Variants in SFXN5 observed in about 807,000 individuals in gnomAD.
The protein encoded by SFXN5 is sideroflexin 5.
A neutral mutation model predicts 50.2 loss-of-function variants in SFXN5; 43 were observed. The ratio of observed to expected loss-of-function variants is 0.86; its 90% CI spans 0.67 to 1.11. The LOEUF is 1.11. Ranked by LOEUF, SFXN5 falls within the 50% of genes least tolerant of loss-of-function variation. The probability of loss-of-function intolerance (pLI) is 0.00; values close to 1 mark genes in which losing one functional copy is unlikely to be tolerated. For missense variants in SFXN5, 463 were observed against 454.1 expected (o/e 1.02, Z -0.18); for synonymous variants, 203 against 185.8 (o/e 1.09, Z -0.75).
In SFXN5 at chr2:72,943,062, C is replaced by T. The variant is rs1204740486; in HGVS notation, c.*1960G>A. On this transcript the variant is annotated 3_prime_UTR_variant, in exon 14 of 14. Coordinates refer to ENST00000272433, the MANE Select transcript of SFXN5 (RefSeq NM_144579.3). Reference sequence around the variant, plus strand: ...GTGGGATTGGCTCAAAAAGGCCTGCCCCTCCAACACCATGGCACCCCCACA... The same window carrying T: ...GTGGGATTGGCTCAAAAAGGCCTGCTCCTCCAACACCATGGCACCCCCACA... The T allele has an allele frequency of 6.6e-6, 1 of 152,324 alleles. No homozygotes were observed. The highest frequency in any genetic ancestry group is 1.5e-5 in the Non-Finnish European group (1 of 68,124). The allele number at this position is 152,324 out of a possible 1,614,324, so 9.4% of individuals were successfully genotyped here. A position where few individuals can be genotyped will look rare whatever the true frequency, so the allele number is the denominator to read the frequency against.
At chr2:72,998,865 C>T in intron 9 of SFXN5, 84 bp downstream of exon 9, 4 of 1,475,280 alleles carry the variant, frequency 2.7e-6, no homozygotes, top group Non-Finnish European at 3.7e-6. Context: ...TGGCCTGGCC[C>T]TCAGACAAGC....
chr2:73,003,152 G>C (rs916536945), intron 6 of SFXN5, among the ~76,000 whole-genome samples: 3 of 152,064 alleles, frequency 2.0e-5, no homozygotes, highest in African/African-American at 7.2e-5. Flanking sequence ...GATGGGACAG[G>C]GGGGTGGGTG....
intron 2 of SFXN5, among the ~76,000 whole-genome samples, chr2:73,047,277 C>CACACATATATATATATATATATATATAT (rs1277443036): frequency 8.8e-5 from 5 of 56,788 alleles, no homozygotes; most frequent in Non-Finnish European, 1.6e-4. Context: ...TATATATATA[C>CACACATATATATATATATATATATATAT]ACACATATAT....
chr2:73,025,392 C>G (rs1677436206), intron 3 of SFXN5, among the ~76,000 whole-genome samples: 1 of 152,160 alleles, frequency 6.6e-6, no homozygotes, highest in African/African-American at 2.4e-5. Flanking sequence ...CTAGCACATT[C>G]CATCCCCCCA....
intron 11 of SFXN5, among the ~76,000 whole-genome samples, chr2:72,969,127 C>T (rs1333434546): frequency 6.6e-6 from 1 of 151,960 alleles, no homozygotes; most frequent in Non-Finnish European, 1.5e-5. Flanking sequence ...CTTCTTACCA[C>T]ACACATTTGA....
chr2:73,025,179 G>C lies in SFXN5; in HGVS notation c.250-1965C>G, dbSNP rs1677402108. Among the ~76,000 whole-genome samples, 4 of 151,978 alleles carry C rather than the reference G, an allele frequency of 2.6e-5. No individual in the cohort carries two copies. In the South Asian group the frequency reaches 6.2e-4, roughly 24 times the overall value. ...ACAACAAAAAAAAACATAAAAGGCTGATCGTCCCCTCTTTGCTCAGTAAGC... is the reference window on the plus strand; with the variant it reads ...ACAACAAAAAAAAACATAAAAGGCTCATCGTCCCCTCTTTGCTCAGTAAGC... On this transcript the variant is annotated intron_variant, in intron 3 of 13. Coordinates refer to ENST00000272433, the MANE Select transcript of SFXN5 (RefSeq NM_144579.3).
chr2:73,023,025 G>A (rs1171868279), intron 4 of SFXN5, among the ~76,000 whole-genome samples, 163 bp downstream of exon 4: 2 of 152,168 alleles, frequency 1.3e-5, no homozygotes, highest in African/African-American at 4.8e-5. Flanking sequence ...CAGAGACTCT[G>A]GCCCTTGAGT....
At position 73,052,566 on chromosome 2, in the gene SFXN5, C is replaced by T. The variant is rs140517080; in HGVS notation, c.171+5962G>A. Among the ~76,000 whole-genome samples the T allele has an allele frequency of 4.1e-4, 59 of 143,170 alleles. No individual in the cohort carries two copies. The East Asian group carries it at 0.011, about 27-fold the overall frequency. 93.9% of individuals were successfully genotyped at this position (143,170 alleles called of 152,430 possible). A position where few individuals can be genotyped will look rare whatever the true frequency, so the allele number is the denominator to read the frequency against. ...CCCCAAATAGTTTCAGATTGTGACA[C>T]GAGTTCTAGTATTGAATTGTTATTA... On this transcript the variant is annotated intron_variant, in intron 2 of 13. Transcript: ENST00000272433.
At position 72,946,279 on chromosome 2, in the gene SFXN5, C is replaced by G. The variant is rs1469373339; in HGVS notation, c.946-1180G>C. On this transcript the variant is annotated intron_variant, in intron 13 of 13. Coordinates refer to ENST00000272433, the MANE Select transcript of SFXN5 (RefSeq NM_144579.3). Reference sequence around the variant, plus strand: ...ACCTGGTCTCTCTCCTCCCCAGCAGCCACGTTTCTTTAAAAAACTTGGTCT... The same window carrying G: ...ACCTGGTCTCTCTCCTCCCCAGCAGGCACGTTTCTTTAAAAAACTTGGTCT... 1.3e-5 allele frequency among the ~76,000 whole-genome samples: 2 copies of G among 152,186 alleles called. 1 individual carries two copies.
At chr2:72,949,375 G>A (rs1216415468) in intron 13 of SFXN5, among the ~76,000 whole-genome samples, 2 of 152,212 alleles carry the variant, frequency 1.3e-5, no homozygotes, top group Admixed American at 6.5e-5. Flanking sequence ...CCAGGCTGGA[G>A]TGCAGTAGTG....
At chr2:73,058,254 G>T in intron 2 of SFXN5, 1 of 305,626 alleles carries the variant, frequency 3.3e-6, no homozygotes. Flanking sequence ...AAGTTTTAAA[G>T]AATAACAATA....
intron 9 of SFXN5, chr2:72,998,640 T>C (rs542016139): frequency 1.0e-5 from 4 of 382,674 alleles, no homozygotes; most frequent in African/African-American, 2.0e-5. Flanking sequence ...TTACCGAGCA[T>C]GAGGAGCAGC....
chr2:72,996,515 T>G (rs1375037348), intron 9 of SFXN5: 6 of 152,120 alleles, frequency 3.9e-5, no homozygotes, highest in East Asian at 3.9e-4. Context: ...TTGTTTTTTT[T>G]TTTTTTTTTT....
chr2:73,008,566 G>A (rs1014428336), intron 6 of SFXN5, among the ~76,000 whole-genome samples: 13 of 152,188 alleles, frequency 8.5e-5, no homozygotes, highest in Admixed American at 2.0e-4. Flanking sequence ...GGGCCAAGCC[G>A]GGCCCTGCCT....
chr2:72,964,224 T>A (rs993039752), intron 12 of SFXN5, among the ~76,000 whole-genome samples: 2 of 152,200 alleles, frequency 1.3e-5, no homozygotes, highest in African/African-American at 4.8e-5. Flanking sequence ...TAGTTTGCAC[T>A]CCGTTAATTT....
At chr2:73,047,235 AAAAAAAAAAAATATATAT>A (rs1385107658) in intron 2 of SFXN5, among the ~76,000 whole-genome samples, 107 of 28,168 alleles carry the variant, frequency 3.8e-3, no homozygotes, top group African/African-American at 8.6e-3. Context: ...AAAAAAAAAA[AAAAAAAAAAAATATATAT>A]ATATATATAT....
rs761833802 is a variant in SFXN5, at chr2:73,022,554, T to C, written c.299A>G (p.Asn100Ser). The change falls in exon 5 of 14, where the codon AAT (asparagine) becomes AGT (serine). Residue 100 changes from asparagine to serine, a missense_variant. By Grantham distance (46) the Asn-to-Ser change is conservative. Transcript: ENST00000272433. ...TCTAAATGGCATGAAGATCTTCTCA[T>C]TGGTGTCCGGATGTAGAATAGCCTG... Reference protein sequence around the residue: ...IKQAILHPDTNEKIFMPFRMS... With the variant: ...IKQAILHPDTSEKIFMPFRMS... 2.2e-5 allele frequency: 33 copies of C among 1,480,658 alleles called. No homozygotes were observed. Among genetic ancestry groups the C allele is most frequent in the Admixed American group, 1.8e-4 (10 of 55,104 alleles). 91.7% of individuals were successfully genotyped at this position (1,480,658 alleles called of 1,614,324 possible).
At chr2:73,065,730 T>G (rs1683125356) in intron 1 of SFXN5, among the ~76,000 whole-genome samples, 2 of 151,758 alleles carry the variant, frequency 1.3e-5, no homozygotes, top group African/African-American at 4.8e-5. Context: ...ATTTTTTGTA[T>G]TTTTTAGTAG....
intron 1 of SFXN5, among the ~76,000 whole-genome samples, chr2:73,060,686 A>G (rs983969918): frequency 6.6e-6 from 1 of 150,832 alleles, no homozygotes; most frequent in African/African-American, 2.5e-5. Flanking sequence ...GCGGTTATAT[A>G]AGAGAATGTC....
Sources: allele counts gnomAD v4.1 joint callset (sites outside exome capture counted in the v4.1 genomes callset), GRCh38; gene constraint gnomAD v4.1.1; transcripts MANE v1.5; gene names NCBI Gene and HGNC (gene_info 2026-07-23, HGNC 2026-07-21).